The following PTPDC1 variants were observed in gnomAD, a reference collection of about 807,000 sequenced individuals.
PTPDC1 encodes protein tyrosine phosphatase domain containing 1.
Under a neutral mutation model 75.3 loss-of-function variants are expected in PTPDC1, and 53 were observed. The observed-to-expected ratio is 0.70, with a 90% CI of 0.56 to 0.88. The LOEUF (loss-of-function observed/expected upper bound fraction) is 0.88, where lower values mean the gene tolerates loss of function less well. Ranked by LOEUF, PTPDC1 falls within the 40% of genes least tolerant of loss-of-function variation. The probability of loss-of-function intolerance (pLI) is 0.00; values close to 1 mark genes in which losing one functional copy is unlikely to be tolerated. For synonymous variants in PTPDC1, 349 were observed against 366.2 expected (o/e 0.95, Z 0.54); for missense variants, 925 against 998.6 (o/e 0.93, Z 0.99).
chr9:94,056,725 T>C (rs559963401), intron 1 of PTPDC1, among the ~76,000 whole-genome samples: 53 of 152,348 alleles, frequency 3.5e-4, no homozygotes, highest in African/African-American at 1.2e-3. Flanking sequence ...ACCTAGTCTC[T>C]TGTGTGAAAT....
At chr9:94,098,635 A>G in intron 6 of PTPDC1, 56 bp downstream of exon 6, 1 of 1,387,664 alleles carries the variant, frequency 7.2e-7, no homozygotes, top group Non-Finnish European at 1.0e-6. Context: ...ATGTCAGGGC[A>G]AAAGTGTGAT....
chr9:94,033,847 CTT>C (rs1829773434), intron 1 of PTPDC1, among the ~76,000 whole-genome samples: 1 of 152,128 alleles, frequency 6.6e-6, no homozygotes, highest in Non-Finnish European at 1.5e-5. Context: ...TTTTAAAAAA[CTT>C]TGCTGAGAAA....
intron 2 of PTPDC1, among the ~76,000 whole-genome samples, chr9:94,072,825 T>C (rs1312470621): frequency 6.6e-6 from 1 of 152,232 alleles, no homozygotes; most frequent in Non-Finnish European, 1.5e-5. Context: ...TGGATTATAT[T>C]GATTGATTTT....
At chr9:94,104,242 A>C in intron 7 of PTPDC1, 33 bp from the exon 8 acceptor site, 1 of 1,544,174 alleles carries the variant, frequency 6.5e-7, no homozygotes, top group Non-Finnish European at 8.9e-7. Context: ...ATTTTTTGAA[A>C]AATTTTTTAA....
At chr9:94,096,730 A>T (rs1316294866) in intron 5 of PTPDC1, among the ~76,000 whole-genome samples, 1 of 152,204 alleles carries the variant, frequency 6.6e-6, no homozygotes, top group Non-Finnish European at 1.5e-5. Context: ...ACATATTAGT[A>T]TAGGCACAAT....
At chr9:94,065,770 G>T (rs569852452) in intron 2 of PTPDC1, among the ~76,000 whole-genome samples, 44 of 152,326 alleles carry the variant, frequency 2.9e-4, no homozygotes, top group African/African-American at 1.0e-3. Context: ...ACTACCATTT[G>T]TGGACAGCTT....
chr9:94,093,269 G>A (rs10993048), intron 4 of PTPDC1, among the ~76,000 whole-genome samples: 77,161 of 144,062 alleles, frequency 0.54, 21,067 homozygotes, highest in African/African-American at 0.65. Context: ...AGCTCTTTTA[G>A]GGCAGGCCTG....
chr9:94,084,554 G>T lies in PTPDC1; in HGVS notation c.24G>T (p.Arg8Ser), dbSNP rs1349496913. 1.2e-6 allele frequency: 2 copies of T among 1,612,228 alleles called. No homozygotes were observed. The highest frequency in any genetic ancestry group is 2.7e-5 in the African/African-American group (2 of 74,916). Residue 8 changes from arginine (R) to serine (S), a missense_variant, in exon 1 of 9, where the codon AGG becomes AGT. Transcript: ENST00000620992. The stretch of plus-strand genomic sequence containing the variant: ...CCATGCAGGTGCAGGATGCAACCAG[G>T]CGGCCCTCAGCCGTGCGCTTCCTCA... Reference protein sequence around the residue: MQVQDATRRPSAVRFLSS... With the variant: MQVQDATSRPSAVRFLSS...
chr9:94,041,499 C>T (rs78541899), intron 1 of PTPDC1, among the ~76,000 whole-genome samples: 3,895 of 152,182 alleles, frequency 0.026, 165 homozygotes, highest in African/African-American at 0.089. Context: ...TACTTGGATC[C>T]GTGGTAGACC....
Position 94,097,349 on chromosome 9 carries a change from T to G in PTPDC1, c.783T>G (p.Phe261Leu). The G allele has an allele frequency of 1.2e-6, 2 of 1,610,542 alleles. No homozygotes were observed. Among genetic ancestry groups the G allele is most frequent in the Non-Finnish European group, 1.7e-6 (2 of 1,177,722 alleles). Residue 261 changes from phenylalanine to leucine, a missense_variant, in exon 6 of 9, where the codon TTT becomes TTG. Physicochemically the swap from Phe to Leu is conservative, Grantham distance 22. Transcript: ENST00000620992. ...TGVLIACYLV[F>L]ATRMTADQAI... The stretch of plus-strand genomic sequence containing the variant: ...TTTTAATAGCCTGTTACTTAGTTTT[T>G]GCAACGAGAATGACTGCTGACCAAG...
At chr9:94,051,656 G>A (rs1366728996) in intron 1 of PTPDC1, among the ~76,000 whole-genome samples, 1 of 152,164 alleles carries the variant, frequency 6.6e-6, no homozygotes, top group South Asian at 2.1e-4. Flanking sequence ...ATCAGGTATA[G>A]GATTATTCAT....
At chr9:94,076,505 G>C (rs1316811945) in intron 2 of PTPDC1, among the ~76,000 whole-genome samples, 2 of 152,126 alleles carry the variant, frequency 1.3e-5, no homozygotes, top group Non-Finnish European at 2.9e-5. Flanking sequence ...CCATGTTGTA[G>C]CATGCGTCAG....
chr9:94,058,840 A>T (rs1204925497), intron 1 of PTPDC1, among the ~76,000 whole-genome samples: 3 of 152,058 alleles, frequency 2.0e-5, no homozygotes, highest in Admixed American at 6.6e-5. Flanking sequence ...ATACAAAAAA[A>T]ATTAGCTGGG....
At chr9:94,087,703 CA>C in intron 2 of PTPDC1, 127 bp from the exon 3 acceptor site, 1 of 672,632 alleles carries the variant, frequency 1.5e-6, no homozygotes, top group South Asian at 1.9e-5. Context: ...AATTTATACA[CA>C]AAAAAGAATA....
At chr9:94,047,694 G>A (rs1372632811) in intron 1 of PTPDC1, among the ~76,000 whole-genome samples, 1 of 150,444 alleles carries the variant, frequency 6.6e-6, no homozygotes, top group East Asian at 2.0e-4. Context: ...GAAGAAAAGA[G>A]AGAAGAATCA....
intron 6 of PTPDC1, chr9:94,101,172 A>C (rs1245621924): frequency 6.4e-6 from 1 of 156,786 alleles, no homozygotes; most frequent in African/African-American, 2.4e-5. Flanking sequence ...TTATTGCAAA[A>C]AAATAGTTCT....
intron 5 of PTPDC1, among the ~76,000 whole-genome samples, chr9:94,096,750 G>T (rs1827585311): frequency 6.6e-6 from 1 of 152,104 alleles, no homozygotes; most frequent in African/African-American, 2.4e-5. Context: ...TCTGGAAAAA[G>T]AATTGCCAAG....
chr9:94,080,994 CTTTT>C (rs61391032), upstream of PTPDC1, among the ~76,000 whole-genome samples: 1 of 117,902 alleles, frequency 8.5e-6, no homozygotes, highest in Non-Finnish European at 1.8e-5. Context: ...TTTTCTTTTT[CTTTT>C]TTTTTTTTTT....
intron 1 of PTPDC1, among the ~76,000 whole-genome samples, chr9:94,034,379 A>G (rs1344866095): frequency 4.6e-5 from 7 of 152,116 alleles, no homozygotes; most frequent in Non-Finnish European, 1.0e-4. Context: ...TAAAAATACA[A>G]AAATTAGTGG....
Sources: allele counts gnomAD v4.1 joint callset (sites outside exome capture counted in the v4.1 genomes callset), GRCh38; gene constraint gnomAD v4.1.1; transcripts MANE v1.5; gene names NCBI Gene and HGNC (gene_info 2026-07-23, HGNC 2026-07-21).